EPHA6: variants seen among roughly 807,000 people sequenced by gnomAD.
EPHA6 encodes the protein EPH receptor A6, also known as ephrin type-A receptor 6.
In EPHA6, 50 loss-of-function variants were observed where a neutral mutation model predicts 112.0. The observed-to-expected ratio is 0.45, with a 90% CI of 0.36 to 0.56. The LOEUF (loss-of-function observed/expected upper bound fraction) is 0.56. EPHA6 is among the 20% of genes least tolerant of loss of function. The pLI is 0.00. For synonymous variants in EPHA6, 529 were observed against 490.7 expected (o/e 1.08, Z -1.03); for missense variants, 1,280 against 1,417.4 (o/e 0.90, Z 1.56).
chr3:97,623,648 C>A (rs116280274), intron 13 of EPHA6, among the ~76,000 whole-genome samples: 82 of 151,646 alleles, frequency 5.4e-4, no homozygotes, highest in East Asian at 4.9e-3. Context: ...GGAGCTAGGA[C>A]GCTCTTTTCA....
intron 5 of EPHA6, among the ~76,000 whole-genome samples, chr3:97,263,845 T>C (rs1461163370): frequency 1.3e-5 from 2 of 152,206 alleles, no homozygotes; most frequent in Non-Finnish European, 2.9e-5. Flanking sequence ...GTTTTTATTC[T>C]AATTCTGTTC....
chr3:97,277,246 G>C (rs1263881410), intron 5 of EPHA6, among the ~76,000 whole-genome samples: 1 of 152,100 alleles, frequency 6.6e-6, no homozygotes. Flanking sequence ...AAGGGAGATA[G>C]GGGTGGGGCC....
At chr3:97,601,625 A>C (rs1275745844) in intron 12 of EPHA6, among the ~76,000 whole-genome samples, 1 of 152,088 alleles carries the variant, frequency 6.6e-6, no homozygotes, top group Non-Finnish European at 1.5e-5. Flanking sequence ...TGCATTTATC[A>C]AAGCAGAACT....
At chr3:96,870,400 T>C (rs1354512488) in intron 2 of EPHA6, among the ~76,000 whole-genome samples, 2 of 152,088 alleles carry the variant, frequency 1.3e-5, no homozygotes, top group African/African-American at 2.4e-5. Flanking sequence ...AAATTTGTCC[T>C]TTCTACATCT....
chr3:97,171,155 G>A (rs2076689326), intron 3 of EPHA6, among the ~76,000 whole-genome samples: 1 of 152,162 alleles, frequency 6.6e-6, no homozygotes. Flanking sequence ...ATGAGAGATG[G>A]ACGGCATTGA....
chr3:97,210,762 C>T (rs2077849626), intron 3 of EPHA6, among the ~76,000 whole-genome samples: 1 of 152,164 alleles, frequency 6.6e-6, no homozygotes, highest in African/African-American at 2.4e-5. Flanking sequence ...CAACACTGAT[C>T]ATCTATTTTG....
chr3:97,401,062 T>C (rs1319669024), intron 5 of EPHA6, among the ~76,000 whole-genome samples: 1 of 151,820 alleles, frequency 6.6e-6, no homozygotes, highest in Non-Finnish European at 1.5e-5. Context: ...GTTTGTCACA[T>C]ATGGCCTTTA....
At chr3:97,016,462 T>G (rs2856468) in intron 3 of EPHA6, among the ~76,000 whole-genome samples, 142,646 of 152,206 alleles carry the variant, frequency 0.94, 66,851 homozygotes, top group East Asian at 1. Context: ...GTTCTAATAA[T>G]AAATAGTTAT....
chr3:97,569,402 T>A (rs2093308144), intron 11 of EPHA6, among the ~76,000 whole-genome samples: 1 of 150,714 alleles, frequency 6.6e-6, no homozygotes, highest in Non-Finnish European at 1.5e-5. Flanking sequence ...TACTTAAAAG[T>A]TAAGAAATGC....
chr3:96,982,965 G>A (rs2042861723), intron 2 of EPHA6, among the ~76,000 whole-genome samples: 1 of 152,028 alleles, frequency 6.6e-6, no homozygotes, highest in African/African-American at 2.4e-5. Context: ...TATGTGATGG[G>A]TTTCCTGAAT....
chr3:97,323,038 G>T (rs1223604683), intron 5 of EPHA6, among the ~76,000 whole-genome samples: 1 of 151,846 alleles, frequency 6.6e-6, no homozygotes, highest in African/African-American at 2.4e-5. Flanking sequence ...ACCCCTTAGG[G>T]TATCCTCTTC....
chr3:97,468,668 A>T (rs577893215), intron 7 of EPHA6, among the ~76,000 whole-genome samples: 1 of 151,860 alleles, frequency 6.6e-6, no homozygotes, highest in South Asian at 2.1e-4. Context: ...AAATACAAAT[A>T]TGTAAGGGAA....
At chr3:96,820,703 C>G (rs1278198678) in intron 1 of EPHA6, among the ~76,000 whole-genome samples, 1 of 151,942 alleles carries the variant, frequency 6.6e-6, no homozygotes, top group South Asian at 2.1e-4. Context: ...TTTAATAGAA[C>G]AGTTTTGTTA....
intron 3 of EPHA6, among the ~76,000 whole-genome samples, chr3:97,202,889 C>A (rs138742222): frequency 6.6e-6 from 1 of 152,000 alleles, no homozygotes; most frequent in South Asian, 2.1e-4. Flanking sequence ...AATATAGGAA[C>A]ATGTGATATG....
chr3:96,897,211 A>AACACACAC (rs57409609), intron 2 of EPHA6, among the ~76,000 whole-genome samples: 242 of 143,420 alleles, frequency 1.7e-3, no homozygotes, highest in African/African-American at 5.3e-3. Flanking sequence ...TGTATATACA[A>AACACACAC]ACACACACAC....
At chr3:96,898,846 G>A (rs1389571038) in intron 2 of EPHA6, among the ~76,000 whole-genome samples, 8 of 151,600 alleles carry the variant, frequency 5.3e-5, no homozygotes, top group Non-Finnish European at 1.2e-4. Flanking sequence ...TGGCTAACAC[G>A]GTGAAACCCC....
chr3:97,604,706 G>A (rs1044585232), intron 12 of EPHA6, among the ~76,000 whole-genome samples: 1 of 151,570 alleles, frequency 6.6e-6, no homozygotes, highest in Non-Finnish European at 1.5e-5. Flanking sequence ...AACTGAAAGA[G>A]CTAAAATAAC....
At chr3:97,069,174 T>G (rs952820520) in intron 3 of EPHA6, among the ~76,000 whole-genome samples, 1 of 152,186 alleles carries the variant, frequency 6.6e-6, no homozygotes, top group Non-Finnish European at 1.5e-5. Context: ...TAAAGTCGAT[T>G]AACACATATT....
intron 10 of EPHA6, among the ~76,000 whole-genome samples, chr3:97,518,574 G>T (rs2092485347): frequency 6.6e-6 from 1 of 151,444 alleles, no homozygotes; most frequent in Non-Finnish European, 1.5e-5. Context: ...TTCCATAGTG[G>T]CTATACTAAT....
Sources: allele counts gnomAD v4.1 joint callset (sites outside exome capture counted in the v4.1 genomes callset), GRCh38; gene constraint gnomAD v4.1.1; transcripts MANE v1.5; gene names NCBI Gene and HGNC (gene_info 2026-07-23, HGNC 2026-07-21).